NALF1: variants seen among roughly 807,000 people sequenced by gnomAD.
NALF1 encodes the protein family with sequence similarity 155 member A.
A neutral mutation model predicts 48.4 loss-of-function variants in NALF1; 3 were observed. The observed-to-expected ratio is 0.06, with a 90% CI of 0.03 to 0.16. The LOEUF (loss-of-function observed/expected upper bound fraction) is 0.16, where lower values mean the gene tolerates loss of function less well. Ranked by LOEUF, NALF1 falls within the 10% of genes least tolerant of loss-of-function variation. The probability of loss-of-function intolerance (pLI) is 1.00; values close to 1 mark genes in which losing one functional copy is unlikely to be tolerated. For missense variants in NALF1, 526 were observed against 571.5 expected (o/e 0.92, Z 0.81); for synonymous variants, 262 against 245.7 (o/e 1.07, Z -0.62).
intron 1 of NALF1, among the ~76,000 whole-genome samples, chr13:107,669,452 T>C (rs1053853648): frequency 2.6e-5 from 4 of 152,136 alleles, no homozygotes; most frequent in Non-Finnish European, 4.4e-5. Flanking sequence ...TGTAAGCTCA[T>C]GCCATTAACA....
At chr13:107,448,959 G>A (rs758023953) in intron 1 of NALF1, among the ~76,000 whole-genome samples, 4 of 152,092 alleles carry the variant, frequency 2.6e-5, no homozygotes, top group Non-Finnish European at 5.9e-5. Flanking sequence ...AACATCACAC[G>A]ACTGCCAGGT....
chr13:107,402,023 T>C (rs1566326796), intron 1 of NALF1, among the ~76,000 whole-genome samples: 1 of 152,144 alleles, frequency 6.6e-6, no homozygotes, highest in Non-Finnish European at 1.5e-5. Flanking sequence ...CACCTCCTGG[T>C]ATTCATGCCT....
chr13:107,169,323 G>C lies in NALF1; in HGVS notation c.*1174C>G, dbSNP rs1272012727. On this transcript the variant is annotated 3_prime_UTR_variant, in exon 3 of 3. Coordinates refer to ENST00000375915, the MANE Select transcript of NALF1 (RefSeq NM_001080396.3). Reference sequence around the variant, plus strand: ...GTTAGGGAAATACTGGAATAAAATTGTGTATATTCTGTATATTGCAGGTGT... The same window carrying C: ...GTTAGGGAAATACTGGAATAAAATTCTGTATATTCTGTATATTGCAGGTGT... 3 of 152,202 alleles carry C rather than the reference G, an allele frequency of 2.0e-5. No individual in the cohort carries two copies. Among genetic ancestry groups the C allele is most frequent in the Admixed American group, 6.5e-5 (1 of 15,278 alleles). 9.4% of individuals were successfully genotyped at this position (152,202 alleles called of 1,614,324 possible).
intron 1 of NALF1, among the ~76,000 whole-genome samples, chr13:107,642,684 TA>T (rs1880191968): frequency 6.6e-6 from 1 of 152,044 alleles, no homozygotes; most frequent in African/African-American, 2.4e-5. Flanking sequence ...CATACATAGG[TA>T]AAAAGATCAC....
chr13:107,841,856 A>C (rs1315023441), intron 1 of NALF1, among the ~76,000 whole-genome samples: 1 of 152,074 alleles, frequency 6.6e-6, no homozygotes, highest in African/African-American at 2.4e-5. Flanking sequence ...ATATTCTTGC[A>C]AAAGAATGCT....
chr13:107,615,597 G>A (rs1433586700), intron 1 of NALF1, among the ~76,000 whole-genome samples: 2 of 152,134 alleles, frequency 1.3e-5, no homozygotes, highest in African/African-American at 4.8e-5. Context: ...GGATCCCATA[G>A]GCCAGCCACT....
chr13:107,659,149 T>C (rs1191626883), intron 1 of NALF1, among the ~76,000 whole-genome samples: 1 of 101,418 alleles, frequency 9.9e-6, no homozygotes, highest in African/African-American at 4.0e-5. Context: ...ACACACGCAC[T>C]CAAACTTGTC....
intron 1 of NALF1, among the ~76,000 whole-genome samples, chr13:107,530,149 T>A (rs1442152098): frequency 6.6e-6 from 1 of 151,994 alleles, no homozygotes; most frequent in African/African-American, 2.4e-5. Context: ...CCTGGGACAC[T>A]CTCTCCTGCC....
intron 1 of NALF1, among the ~76,000 whole-genome samples, chr13:107,380,731 C>A (rs1883420563): frequency 6.6e-6 from 1 of 152,114 alleles, no homozygotes; most frequent in Non-Finnish European, 1.5e-5. Context: ...GTAATCCCAG[C>A]ACTTTGGGAG....
intron 1 of NALF1, among the ~76,000 whole-genome samples, chr13:107,330,384 A>G (rs1882446537): frequency 6.6e-6 from 1 of 152,230 alleles, no homozygotes; most frequent in Admixed American, 6.5e-5. Flanking sequence ...CGGAATATTT[A>G]AATTTCGATC....
intron 1 of NALF1, among the ~76,000 whole-genome samples, chr13:107,586,490 T>G (rs1878460417): frequency 6.6e-6 from 1 of 151,386 alleles, no homozygotes; most frequent in African/African-American, 2.4e-5. Context: ...TGAGTCCATT[T>G]CAAATTTTTT....
At chr13:107,751,187 T>G (rs1876928011) in intron 1 of NALF1, among the ~76,000 whole-genome samples, 1 of 152,344 alleles carries the variant, frequency 6.6e-6, no homozygotes, top group Admixed American at 6.5e-5. Context: ...TGCCTTACCC[T>G]TTTTGGAGTG....
chr13:107,571,445 G>A (rs1420393081), intron 1 of NALF1, among the ~76,000 whole-genome samples: 1 of 152,152 alleles, frequency 6.6e-6, no homozygotes. Flanking sequence ...AATGGGGTTT[G>A]GAGAGTTTTT....
chr13:107,647,259 G>C (rs915623995), intron 1 of NALF1, among the ~76,000 whole-genome samples: 2 of 151,942 alleles, frequency 1.3e-5, no homozygotes, highest in Non-Finnish European at 2.9e-5. Flanking sequence ...AAAAATACAA[G>C]AACATGAATA....
chr13:107,447,956 T>C (rs374906993), intron 1 of NALF1, among the ~76,000 whole-genome samples: 1 of 152,230 alleles, frequency 6.6e-6, no homozygotes, highest in Non-Finnish European at 1.5e-5. Context: ...AAAAGTCTTC[T>C]GATCCACTTC....
chr13:107,642,509 G>T (rs565077263), intron 1 of NALF1, among the ~76,000 whole-genome samples: 133 of 152,292 alleles, frequency 8.7e-4, no homozygotes, highest in African/African-American at 3.1e-3. Context: ...AGCTGAAATG[G>T]TCTATTTTGT....
intron 1 of NALF1, among the ~76,000 whole-genome samples, chr13:107,344,045 A>G (rs1439795601): frequency 2.6e-5 from 4 of 152,142 alleles, no homozygotes; most frequent in African/African-American, 9.7e-5. Flanking sequence ...AGGAGATAAT[A>G]AGCGACTACA....
intron 1 of NALF1, among the ~76,000 whole-genome samples, chr13:107,722,573 C>T (rs540408801): frequency 1.3e-4 from 20 of 152,206 alleles, no homozygotes; most frequent in Non-Finnish European, 2.5e-4. Flanking sequence ...GCCTCCCTAG[C>T]GGGCCCCTAG....
At chr13:107,482,327 A>T (rs1215805496) in intron 1 of NALF1, among the ~76,000 whole-genome samples, 1 of 151,976 alleles carries the variant, frequency 6.6e-6, no homozygotes, top group African/African-American at 2.4e-5. Context: ...CTTTACAACA[A>T]ATCTTTCTGT....
Sources: gnomAD v4.1 joint callset for allele counts (sites outside exome capture counted in the v4.1 genomes callset) on GRCh38, gnomAD v4.1.1 for gene constraint, MANE v1.5 for transcripts, NCBI Gene and HGNC (gene_info 2026-07-23, HGNC 2026-07-21) for gene names.